The following ZNF652 variants were observed in gnomAD, a reference collection of about 807,000 sequenced individuals.
ZNF652 encodes zinc finger protein 652.
Under a neutral mutation model 45.2 loss-of-function variants are expected in ZNF652, and 16 were observed. The observed-to-expected ratio is 0.35, with a 90% CI of 0.24 to 0.54. The LOEUF (loss-of-function observed/expected upper bound fraction) is 0.54, where lower values mean the gene tolerates loss of function less well. Among genes scored for constraint, ZNF652 ranks in the 20% least tolerant of loss-of-function variants. The pLI, the probability that ZNF652 is intolerant of heterozygous loss-of-function variation, is 0.91. For synonymous variants in ZNF652, 250 were observed against 260.6 expected (o/e 0.96, Z 0.39); for missense variants, 614 against 765.6 (o/e 0.80, Z 2.34).
intron 1 of ZNF652, among the ~76,000 whole-genome samples, chr17:49,326,351 T>C (rs2069956566): frequency 6.6e-6 from 1 of 151,934 alleles, no homozygotes; most frequent in South Asian, 2.1e-4. Flanking sequence ...TTTTGAAAGT[T>C]ATACTGCCAA....
At chr17:49,326,031 A>G (rs547864160) in intron 1 of ZNF652, among the ~76,000 whole-genome samples, 1 of 152,178 alleles carries the variant, frequency 6.6e-6, no homozygotes, top group South Asian at 2.1e-4. Context: ...TTTTCGGAAA[A>G]GCATATATGG....
At chr17:49,322,323 A>G (rs1258089307) in intron 1 of ZNF652, 1 of 152,250 alleles carries the variant, frequency 6.6e-6, no homozygotes, top group Non-Finnish European at 1.5e-5. Context: ...AATTACAAAG[A>G]AAGCAAGCCT....
intron 5 of ZNF652, among the ~76,000 whole-genome samples, chr17:49,307,152 G>A (rs946617581): frequency 6.6e-5 from 10 of 151,996 alleles, no homozygotes; most frequent in South Asian, 6.2e-4. Context: ...TTCACTGGCC[G>A]GGCTCAGGGG....
At position 49,294,284 on chromosome 17, in the gene ZNF652, C is replaced by T. The variant is rs1009005750; in HGVS notation, c.*4129G>A. On this transcript the variant is annotated 3_prime_UTR_variant, in exon 6 of 6. Transcript: ENST00000430262. ...TTCTAACCACTAGAAAAGGATACTT[C>T]GAACAAATGTGGTTTTAAAAAAATG... Among the ~76,000 whole-genome samples the T allele has an allele frequency of 1.3e-5, 2 of 152,092 alleles. No homozygotes were observed. Among genetic ancestry groups the T allele is most frequent in the Non-Finnish European group, 2.9e-5 (2 of 68,010 alleles).
chr17:49,331,755 G>A (rs540585812), intron 1 of ZNF652, among the ~76,000 whole-genome samples: 11 of 152,296 alleles, frequency 7.2e-5, no homozygotes, highest in Admixed American at 7.2e-4. Context: ...AGACAAAGGA[G>A]TGTTATTGTT....
intron 1 of ZNF652, among the ~76,000 whole-genome samples, chr17:49,327,162 A>AT (rs984963391): frequency 3.9e-5 from 6 of 151,946 alleles, no homozygotes; most frequent in East Asian, 3.9e-4. Context: ...TATATAGATA[A>AT]TTTTTTTTAT....
At chr17:49,354,244 T>C (rs2070311023) in intron 1 of ZNF652, among the ~76,000 whole-genome samples, 3 of 152,034 alleles carry the variant, frequency 2.0e-5, no homozygotes, top group Admixed American at 6.5e-5. Flanking sequence ...TATATTCTAT[T>C]AGAGCAGGGT....
intron 1 of ZNF652, among the ~76,000 whole-genome samples, chr17:49,319,499 G>T (rs1416227961): frequency 6.6e-6 from 1 of 151,852 alleles, no homozygotes; most frequent in African/African-American, 2.4e-5. Context: ...TGAGCATAGC[G>T]GCTCATGCCT....
intron 5 of ZNF652, 106 bp from the exon 6 acceptor site, chr17:49,299,030 G>A: frequency 1.6e-6 from 2 of 1,232,288 alleles, no homozygotes; most frequent in Non-Finnish European, 2.2e-6. Context: ...TGATCAGGCT[G>A]GTCTCGAACT....
At chr17:49,326,025 C>T (rs770819649) in intron 1 of ZNF652, among the ~76,000 whole-genome samples, 17 of 151,850 alleles carry the variant, frequency 1.1e-4, no homozygotes, top group Non-Finnish European at 1.6e-4. Flanking sequence ...GGGGGCTTTT[C>T]GGAAAAGCAT....
chr17:49,340,936 C>T lies in ZNF652; in HGVS notation c.-259+20973G>A, dbSNP rs547691834. ...ATTATATATAGAAGAAAAAGTATGG[C>T]CAGGTGCAGTGGCTTATACCTGTAA... On this transcript the variant is annotated intron_variant, in intron 1 of 5. Transcript: ENST00000430262. Among the ~76,000 whole-genome samples the T allele has an allele frequency of 2.0e-5, 3 of 152,148 alleles. No individual in the cohort carries two copies. In the East Asian group the frequency reaches 5.8e-4, roughly 29 times the overall value.
chr17:49,309,953 CTGT>C (rs1465986471), intron 5 of ZNF652, among the ~76,000 whole-genome samples: 3 of 151,984 alleles, frequency 2.0e-5, no homozygotes, highest in South Asian at 2.1e-4. Context: ...AAGATAATCT[CTGT>C]TGTTCTTTTT....
chr17:49,302,683 C>A (rs942383738), intron 5 of ZNF652, among the ~76,000 whole-genome samples: 2 of 150,924 alleles, frequency 1.3e-5, no homozygotes, highest in African/African-American at 4.9e-5. Context: ...TACATGAGGA[C>A]GGGTGTGGTG....
At chr17:49,311,091 G>A (rs563044734) in intron 5 of ZNF652, among the ~76,000 whole-genome samples, 1 of 152,218 alleles carries the variant, frequency 6.6e-6, no homozygotes, top group East Asian at 1.9e-4. Flanking sequence ...AGAGCTCAAA[G>A]TAAAAAGGCA....
At position 49,298,845 on chromosome 17, in the gene ZNF652, G is replaced by A; in HGVS notation, c.1389C>T (p.His463=). The change falls in exon 6 of 6, where the codon CAC becomes CAT. Residue 463 remains histidine, a synonymous_variant. Coordinates refer to ENST00000430262, the MANE Select transcript of ZNF652 (RefSeq NM_001145365.3). The stretch of plus-strand genomic sequence containing the variant: ...CACATGGATAGGGCTTCTCGCCTGT[G>A]TGAGTTCTGCGGTGTCTCTTCATGT... ...RPNMKRHRRT[H]TGEKPYPCDV... is the part of the protein sequence containing the mutation. 1 of 1,614,098 alleles carries A rather than the reference G, an allele frequency of 6.2e-7. No homozygotes were observed. Among genetic ancestry groups the A allele is most frequent in the Non-Finnish European group, 8.5e-7 (1 of 1,180,042 alleles).
chr17:49,297,231 A>G lies in ZNF652; in HGVS notation c.*1182T>C, dbSNP rs2069488358. On this transcript the variant is annotated 3_prime_UTR_variant, in exon 6 of 6. Transcript: ENST00000430262. ...TTTACTATTTTAGCTTCTTATAACA[A>G]TTCTAGAAAAATAAAGCAACCTCAA... The G allele has an allele frequency of 6.6e-6, 1 of 152,474 alleles. No individual in the cohort carries two copies. The highest frequency in any genetic ancestry group is 1.5e-5 in the Non-Finnish European group (1 of 68,028). 9.4% of individuals were successfully genotyped at this position (152,474 alleles called of 1,614,324 possible). A position where few individuals can be genotyped will look rare whatever the true frequency, so the allele number is the denominator to read the frequency against.
At chr17:49,343,522 T>C (rs1250073775) in intron 1 of ZNF652, among the ~76,000 whole-genome samples, 1 of 152,218 alleles carries the variant, frequency 6.6e-6, no homozygotes, top group Non-Finnish European at 1.5e-5. Flanking sequence ...TGTGGGGAGA[T>C]GATTTTATAC....
intron 1 of ZNF652, among the ~76,000 whole-genome samples, chr17:49,329,640 T>G (rs1365519380): frequency 2.0e-5 from 3 of 152,224 alleles, no homozygotes; most frequent in African/African-American, 7.2e-5. Flanking sequence ...CCACTCTCTG[T>G]AAGAAGTGGA....
chr17:49,338,724 T>C (rs1360314453), intron 1 of ZNF652, among the ~76,000 whole-genome samples: 2 of 151,998 alleles, frequency 1.3e-5, no homozygotes, highest in Non-Finnish European at 2.9e-5. Context: ...TTAGGAGATA[T>C]CAGCAAACAG....
Sources: gnomAD v4.1 joint callset for allele counts (sites outside exome capture counted in the v4.1 genomes callset) on GRCh38, gnomAD v4.1.1 for gene constraint, MANE v1.5 for transcripts, NCBI Gene and HGNC (gene_info 2026-07-23, HGNC 2026-07-21) for gene names.